Variants in MITF observed in about 807,000 individuals in gnomAD.
The protein encoded by MITF is microphthalmia-associated transcription factor.
A neutral mutation model predicts 60.5 loss-of-function variants in MITF; 17 were observed. That is an observed-to-expected ratio of 0.28 (90% CI 0.19 to 0.42). The LOEUF is 0.42. Among genes scored for constraint, MITF ranks in the 10% least tolerant of loss-of-function variants. The pLI is 1.00. For missense variants in MITF, 622 were observed against 683.5 expected (o/e 0.91, Z 1.00); for synonymous variants, 260 against 248.5 (o/e 1.05, Z -0.43).
At chr3:69,868,534 C>T (rs1416015321) in intron 1 of MITF, among the ~76,000 whole-genome samples, 2 of 152,056 alleles carry the variant, frequency 1.3e-5, no homozygotes, top group Non-Finnish European at 2.9e-5. Context: ...TCTTGAGGGG[C>T]CGTGTTTGGT....
intron 7 of MITF, among the ~76,000 whole-genome samples, chr3:69,952,201 A>G (rs897874751): frequency 1.3e-5 from 2 of 152,084 alleles, no homozygotes; most frequent in Non-Finnish European, 2.9e-5. Context: ...CTACCCAATT[A>G]TAAGTGTTGC....
At chr3:69,950,731 T>C (rs1353877067) in intron 6 of MITF, among the ~76,000 whole-genome samples, 1 of 151,892 alleles carries the variant, frequency 6.6e-6, no homozygotes, top group Non-Finnish European at 1.5e-5. Flanking sequence ...GCTTCAGCTA[T>C]CACTTCTGAA....
chr3:69,908,366 C>G (rs2065147117), intron 2 of MITF, among the ~76,000 whole-genome samples: 1 of 151,950 alleles, frequency 6.6e-6, no homozygotes, highest in Non-Finnish European at 1.5e-5. Flanking sequence ...AAAAAAAAAA[C>G]TCTTCTACAT....
rs886058811 is a variant in MITF, at chr3:69,965,661, AAAAG to A, written c.*423_*426del. On this transcript the variant is annotated 3_prime_UTR_variant, in exon 10 of 10. Transcript: ENST00000352241. ...TGTAAAGCAACCAAAAAGAAAAAAA[AAAAG>A]AAAGAAAGAGGAAAAGAAATCCATA... 7.9e-5 allele frequency: 20 copies of A among 254,412 alleles called. No homozygotes were observed. Among genetic ancestry groups the A allele is most frequent in the East Asian group, 6.8e-4 (12 of 17,708 alleles). 15.8% of individuals were successfully genotyped at this position (254,412 alleles called of 1,614,324 possible).
intron 1 of MITF, among the ~76,000 whole-genome samples, chr3:69,802,057 T>C (rs1483988004): frequency 6.6e-6 from 1 of 152,200 alleles, no homozygotes; most frequent in Non-Finnish European, 1.5e-5. Flanking sequence ...AGTGGTATTG[T>C]ACACATTTTC....
chr3:69,901,769 A>G (rs1343420599), intron 2 of MITF, among the ~76,000 whole-genome samples: 2 of 152,216 alleles, frequency 1.3e-5, no homozygotes, highest in African/African-American at 4.8e-5. Flanking sequence ...GATCACAGAA[A>G]GACTTGGGCA....
At chr3:69,889,455 T>C (rs2064707804) in intron 2 of MITF, among the ~76,000 whole-genome samples, 1 of 150,294 alleles carries the variant, frequency 6.7e-6, no homozygotes, top group South Asian at 2.1e-4. Flanking sequence ...AGTACATAAA[T>C]TCAAAGTTTC....
Position 69,951,906 on chromosome 3 carries a change from G to A in MITF, c.955+20G>A, listed in dbSNP as rs2107519657. Reference sequence around the variant, plus strand: ...ACCTGAGTAAGTTGGTTTTATTTATGTTCATGACATTTGATATTAATGTTC... The same window carrying A: ...ACCTGAGTAAGTTGGTTTTATTTATATTCATGACATTTGATATTAATGTTC... On this transcript the variant is annotated intron_variant, in intron 7 of 9. Coordinates refer to ENST00000352241, the MANE Select transcript of MITF (RefSeq NM_001354604.2). The A allele has an allele frequency of 6.4e-7, 1 of 1,572,544 alleles. No homozygotes were observed. The highest frequency in any genetic ancestry group is 8.7e-7 in the Non-Finnish European group (1 of 1,143,076).
At chr3:69,933,173 T>G (rs2065760364) in intron 2 of MITF, among the ~76,000 whole-genome samples, 1 of 151,904 alleles carries the variant, frequency 6.6e-6, no homozygotes, top group Non-Finnish European at 1.5e-5. Context: ...CTGGGCAACA[T>G]AGCAAGACCC....
chr3:69,901,486 C>G (rs2064994586), intron 2 of MITF, among the ~76,000 whole-genome samples: 1 of 152,126 alleles, frequency 6.6e-6, no homozygotes, highest in African/African-American at 2.4e-5. Context: ...CTGTTCATCT[C>G]CTATCCCTCC....
At chr3:69,944,160 G>A (rs1363152911) in intron 5 of MITF, among the ~76,000 whole-genome samples, 1 of 152,040 alleles carries the variant, frequency 6.6e-6, no homozygotes, top group Non-Finnish European at 1.5e-5. Context: ...ATCTACATTA[G>A]CGTTGAGGCC....
chr3:69,903,641 T>TA (rs111783936), intron 2 of MITF, among the ~76,000 whole-genome samples: 3,778 of 151,726 alleles, frequency 0.025, 139 homozygotes, highest in African/African-American at 0.085. Flanking sequence ...TTGGCCTTTT[T>TA]AAAAAAAAAT....
intron 1 of MITF, chr3:69,763,631 A>G: frequency 8.2e-7 from 1 of 1,224,382 alleles, no homozygotes. Flanking sequence ...TCTTTGTAAT[A>G]ATCTCCTTTC....
intron 1 of MITF, among the ~76,000 whole-genome samples, chr3:69,875,820 G>A (rs2064341166): frequency 6.6e-6 from 1 of 152,228 alleles, no homozygotes; most frequent in East Asian, 1.9e-4. Context: ...GGGATGTTTA[G>A]AAGATTGAGA....
intron 1 of MITF, among the ~76,000 whole-genome samples, chr3:69,760,527 T>C (rs1311077565): frequency 2.0e-5 from 3 of 152,206 alleles, no homozygotes; most frequent in Non-Finnish European, 4.4e-5. Context: ...TGGAATTACA[T>C]GCAAATCAAG....
At chr3:69,918,164 A>G (rs774670062) in intron 2 of MITF, among the ~76,000 whole-genome samples, 2 of 152,144 alleles carry the variant, frequency 1.3e-5, no homozygotes, top group Non-Finnish European at 2.9e-5. Flanking sequence ...TCCCGGGTTC[A>G]AGTGATTCCT....
chr3:69,834,558 T>A (rs539599588), intron 1 of MITF, among the ~76,000 whole-genome samples: 1 of 152,322 alleles, frequency 6.6e-6, no homozygotes, highest in East Asian at 1.9e-4. Flanking sequence ...CTACATTTTC[T>A]TTATCCATTC....
chr3:69,806,476 A>G (rs2063010466), intron 1 of MITF, among the ~76,000 whole-genome samples: 1 of 152,114 alleles, frequency 6.6e-6, no homozygotes, highest in Non-Finnish European at 1.5e-5. Context: ...GGGGGTCAAG[A>G]GCCAATGTAT....
At chr3:69,936,429 G>T (rs1392064157) in intron 2 of MITF, among the ~76,000 whole-genome samples, 5 of 151,846 alleles carry the variant, frequency 3.3e-5, no homozygotes, top group African/African-American at 1.2e-4. Flanking sequence ...TTATATTTAT[G>T]AAAAAAAGCA....
Sources: gnomAD v4.1 joint callset for allele counts (sites outside exome capture counted in the v4.1 genomes callset) on GRCh38, gnomAD v4.1.1 for gene constraint, MANE v1.5 for transcripts, NCBI Gene and HGNC (gene_info 2026-07-23, HGNC 2026-07-21) for gene names.